IGF2R: variants seen among roughly 807,000 people sequenced by gnomAD.
IGF2R encodes the protein cation-independent mannose-6-phosphate receptor.
In IGF2R, 91 loss-of-function variants were observed where a neutral mutation model predicts 270.6. That is an observed-to-expected ratio of 0.34 (90% confidence interval 0.28 to 0.40). IGF2R has a LOEUF of 0.40. Ranked by LOEUF, IGF2R falls within the 10% of genes least tolerant of loss-of-function variation. The pLI is 1.00. For missense variants in IGF2R, 2,805 were observed against 3,188.3 expected (o/e 0.88, Z 2.90); for synonymous variants, 1,316 against 1,258.9 (o/e 1.05, Z -0.96).
intron 16 of IGF2R, 25 bp downstream of exon 16, chr6:160,047,361 G>A (rs1469787287): frequency 1.3e-6 from 2 of 1,540,542 alleles, no homozygotes; most frequent in East Asian, 2.3e-5. Context: ...TCCTCATCGC[G>A]CTCCCTGAGG....
chr6:159,974,175 A>G (rs1034126713), intron 1 of IGF2R, among the ~76,000 whole-genome samples: 4 of 152,194 alleles, frequency 2.6e-5, no homozygotes, highest in South Asian at 4.1e-4. Context: ...TAGCCATTCA[A>G]GTGGAGTTGT....
chr6:159,969,658 A>G (rs1783578067), intron 1 of IGF2R, among the ~76,000 whole-genome samples: 1 of 152,094 alleles, frequency 6.6e-6, no homozygotes, highest in Non-Finnish European at 1.5e-5. Context: ...GCTGTCGCTG[A>G]GTCGGGGGTG....
intron 23 of IGF2R, 24 bp from the exon 24 acceptor site, chr6:160,061,479 G>C: frequency 1.9e-6 from 3 of 1,612,274 alleles, no homozygotes; most frequent in South Asian, 2.2e-5. Flanking sequence ...GAGTTCTCCA[G>C]CGTGGTTTTT....
Position 160,106,221 on chromosome 6 carries a change from G to T in IGF2R, c.*1137G>T, listed in dbSNP as rs1156712178. The T allele has an allele frequency of 6.6e-6, 1 of 151,182 alleles. No individual in the cohort carries two copies. Among genetic ancestry groups the T allele is most frequent in the Non-Finnish European group, 1.5e-5 (1 of 68,334 alleles). The allele number at this position is 151,182 out of a possible 1,614,324, so 9.4% of individuals were successfully genotyped here. On this transcript the variant is annotated 3_prime_UTR_variant, in exon 48 of 48. Transcript: ENST00000356956. Reference sequence around the variant, plus strand: ...CGCGGAGGAGGAGGGAGGCCAGGCGGGCATGGCGTGGAGGAGGAGGGAGGC... The same window carrying T: ...CGCGGAGGAGGAGGGAGGCCAGGCGTGCATGGCGTGGAGGAGGAGGGAGGC...
At chr6:159,980,242 A>AGAAAGGAAG (rs1554234715) in intron 1 of IGF2R, among the ~76,000 whole-genome samples, 9 of 145,092 alleles carry the variant, frequency 6.2e-5, no homozygotes, top group African/African-American at 2.0e-4. Context: ...AAAGAAAGGT[A>AGAAAGGAAG]CATGGAAGAT....
intron 1 of IGF2R, among the ~76,000 whole-genome samples, chr6:159,972,255 C>T (rs1411446544): frequency 6.6e-6 from 1 of 152,110 alleles, no homozygotes. Context: ...CATGAAAAGT[C>T]GAGTCCTACA....
chr6:160,040,265 G>A (rs553400805), intron 10 of IGF2R, among the ~76,000 whole-genome samples: 4 of 152,160 alleles, frequency 2.6e-5, no homozygotes, highest in African/African-American at 4.8e-5. Context: ...CTGCTCTTGC[G>A]TTCCTCCTGC....
In IGF2R at chr6:160,048,410, G is replaced by T. The variant is rs1778116931; in HGVS notation, c.2381G>T (p.Trp794Leu). Residue 794 changes from tryptophan to leucine, a missense_variant, in exon 18 of 48, where the codon TGG becomes TTG. Trp to Leu is a moderately conservative substitution (Grantham distance 61). Around this residue, in one of 2 missense-constraint regions of IGF2R, gnomAD observed 1,851 missense variants for 2,207.2 expected, o/e 0.84. Coordinates refer to ENST00000356956, the MANE Select transcript of IGF2R (RefSeq NM_000876.4). ...TCTGAAGGTGGCCTTGGAGGAAACT[G>T]GTATGCCATGGACAACTCAGGGGAA... ...AKSEGGLGGNWYAMDNSGEHV... is the reference protein window; with the variant it reads ...AKSEGGLGGNLYAMDNSGEHV... 1 of 1,614,080 alleles carries T rather than the reference G, an allele frequency of 6.2e-7. No individual in the cohort carries two copies. Among genetic ancestry groups the T allele is most frequent in the African/African-American group, 1.3e-5 (1 of 74,932 alleles).
In IGF2R at chr6:160,089,946, C is replaced by A. The variant is rs1779182355; in HGVS notation, c.6498C>A (p.Thr2166=). Residue 2166 remains threonine (T), a synonymous_variant, in exon 44 of 48, where the codon ACC becomes ACA. Transcript: ENST00000356956. ...TCAGAGCCTCTGGGGACATGAGGAC[C>A]AATGGGGACAACTACCTGTATGAGA... is the stretch of plus-strand genomic sequence containing the variant. ...KLFRASGDMR[T]NGDNYLYEIQ... is the part of the protein sequence containing the mutation. 3.8e-6 allele frequency: 6 copies of A among 1,599,044 alleles called. No individual in the cohort carries two copies. The South Asian group carries it at 6.8e-5, about 18-fold the overall frequency.
intron 1 of IGF2R, among the ~76,000 whole-genome samples, chr6:159,982,520 G>T (rs1196666791): frequency 6.6e-6 from 1 of 152,198 alleles, no homozygotes; most frequent in Admixed American, 6.5e-5. Flanking sequence ...CATGTATCTT[G>T]TTATGTGAAT....
chr6:160,017,733 C>T (rs1325282252), intron 4 of IGF2R, among the ~76,000 whole-genome samples: 1 of 152,092 alleles, frequency 6.6e-6, no homozygotes, highest in Non-Finnish European at 1.5e-5. Flanking sequence ...AATCTGTCAA[C>T]CCTGAATTTT....
intron 4 of IGF2R, among the ~76,000 whole-genome samples, chr6:160,016,539 TG>T (rs1043429254): frequency 4.6e-5 from 7 of 152,224 alleles, no homozygotes; most frequent in African/African-American, 1.7e-4. Flanking sequence ...GCCTCTTTCC[TG>T]CAAGTACCAC....
intron 15 of IGF2R, among the ~76,000 whole-genome samples, chr6:160,046,950 G>A (rs1180770201): frequency 6.6e-6 from 1 of 152,194 alleles, no homozygotes; most frequent in Non-Finnish European, 1.5e-5. Context: ...CAAATGAAGT[G>A]AGTTGTCTAA....
chr6:160,083,909 G>A (rs1200007814), intron 39 of IGF2R, 41 bp from the exon 40 acceptor site: 2 of 1,355,476 alleles, frequency 1.5e-6, no homozygotes, highest in South Asian at 2.3e-5. Context: ...CATAGACACA[G>A]TGACAGTCTG....
intron 4 of IGF2R, among the ~76,000 whole-genome samples, chr6:160,013,704 G>A (rs1784374541): frequency 6.6e-6 from 1 of 152,142 alleles, no homozygotes; most frequent in African/African-American, 2.4e-5. Context: ...TAGACTAATG[G>A]TGTGAAGGAC....
Position 160,027,264 on chromosome 6 carries a change from G to T in IGF2R, c.726G>T (p.Ala242=). ...TAACLVRGHQ[A]FDVGQPRDGL... ...CCTGCCTGGTAAGAGGACACCAGGC[G>T]TTTGATGTTGGCCAGCCCCGGGACG... is the stretch of plus-strand genomic sequence containing the variant. The change falls in exon 6 of 48, where the codon GCG becomes GCT. Residue 242 remains alanine (A), a synonymous_variant. Coordinates refer to ENST00000356956, the MANE Select transcript of IGF2R (RefSeq NM_000876.4). 6.2e-7 allele frequency: 1 copy of T among 1,614,132 alleles called. No homozygotes were observed. The highest frequency in any genetic ancestry group is 1.1e-5 in the South Asian group (1 of 91,068).
intron 29 of IGF2R, among the ~76,000 whole-genome samples, chr6:160,065,810 G>GTATATATATATATA (rs1280903899): frequency 1.4e-5 from 1 of 72,972 alleles, no homozygotes; most frequent in Non-Finnish European, 2.6e-5. Context: ...GTGTGTGTGT[G>GTATATATATATATA]TGTGTATATA....
chr6:160,089,482 CCTT>C (rs1779171075), intron 43 of IGF2R, among the ~76,000 whole-genome samples: 1 of 152,248 alleles, frequency 6.6e-6, no homozygotes. Flanking sequence ...AATCCCCCGT[CCTT>C]CTCCCTCTCT....
intron 4 of IGF2R, among the ~76,000 whole-genome samples, chr6:160,018,518 T>C (rs1185990691): frequency 1.3e-5 from 2 of 152,100 alleles, no homozygotes; most frequent in South Asian, 2.1e-4. Flanking sequence ...GCAGAACATA[T>C]ATTCTTCTCA....
Sources: gnomAD v4.1 joint callset for allele counts (sites outside exome capture counted in the v4.1 genomes callset) on GRCh38, gnomAD v4.1.1 for gene constraint, gnomAD v4.1.1 regional missense constraint, MANE v1.5 for transcripts, NCBI Gene and HGNC (gene_info 2026-07-23, HGNC 2026-07-21) for gene names.